The following PRKCG variants were observed in gnomAD, a reference collection of about 807,000 sequenced individuals.
PRKCG encodes protein kinase C gamma type.
A neutral mutation model predicts 82.0 loss-of-function variants in PRKCG; 28 were observed. That is an observed-to-expected ratio of 0.34 (90% CI 0.25 to 0.47). PRKCG has a LOEUF of 0.47. Among genes scored for constraint, PRKCG ranks in the 20% least tolerant of loss-of-function variants. The pLI is 1.00. For missense variants in PRKCG, 640 were observed against 952.7 expected, an observed-to-expected ratio of 0.67 and a Z score of 4.32; for synonymous variants, 383 against 376.6, an observed-to-expected ratio of 1.02 and a Z score of -0.20.
intron 3 of PRKCG, among the ~76,000 whole-genome samples, chr19:53,886,269 G>A (rs1015751970): frequency 6.6e-6 from 1 of 151,088 alleles, no homozygotes; most frequent in African/African-American, 2.4e-5. Context: ...CACCATGGCC[G>A]GCTAATTTTT....
Position 53,907,075 on chromosome 19 carries a change from A to G in PRKCG, c.*180A>G. The G allele has an allele frequency of 1.5e-6, 2 of 1,329,532 alleles. No individual in the cohort carries two copies. Among genetic ancestry groups the G allele is most frequent in the Non-Finnish European group, 2.0e-6 (2 of 980,596 alleles). 82.4% of individuals were successfully genotyped at this position (1,329,532 alleles called of 1,614,324 possible). ...GCGTTCCTGGCCTTCTGAACTCCATACAGCCTCTACAGCCGTCCCGCGTTC... is the reference window on the plus strand; with the variant it reads ...GCGTTCCTGGCCTTCTGAACTCCATGCAGCCTCTACAGCCGTCCCGCGTTC... On this transcript the variant is annotated 3_prime_UTR_variant, in exon 18 of 18. Transcript: ENST00000263431.
chr19:53,900,468 G>T lies in PRKCG; in HGVS notation c.1423G>T (p.Gly475Cys). 1 of 1,614,106 alleles carries T rather than the reference G, an allele frequency of 6.2e-7. No individual in the cohort carries two copies. The highest frequency in any genetic ancestry group is 8.5e-7 in the Non-Finnish European group (1 of 1,180,020). ...CGGCCTCTTCTTCCTTCACAATCAG[G>T]GCATCATCTACAGGTGAGCAGCCCC... ...AIGLFFLHNQ[G>C]IIYRDLKLDN... Residue 475 changes from glycine to cysteine, a missense_variant, in exon 13 of 18, where the codon GGC (glycine) becomes TGC (cysteine). This residue lies in a region of PRKCG where 78 missense variants were observed against 105.6 expected (regional missense o/e 0.74). Transcript: ENST00000263431. The surrounding 1 kb of genome is among the most constrained non-coding windows in gnomAD (Gnocchi z 4.2).
At chr19:53,881,340 T>G (rs1383664754), upstream of PRKCG, among the ~76,000 whole-genome samples, 1 of 149,960 alleles carries the variant, frequency 6.7e-6, no homozygotes, top group Non-Finnish European at 1.5e-5. Flanking sequence ...AGAGAGTGAC[T>G]CCCAGAGAGG....
rs1417462006 is a variant in PRKCG at position 53,892,793 on chromosome 19, C to CACAA, written c.821+153_821+154insAACA. On this transcript the variant is annotated intron_variant, in intron 7 of 17. Coordinates refer to ENST00000263431, the MANE Select transcript of PRKCG (RefSeq NM_002739.5). This position sits in a 1 kb window ranked among gnomAD's most constrained non-coding sequence, Gnocchi z 5.9. ...ACACACACACACACGCACACACACGCACACACCCCTCTCTCTCTATTCTTC... is the reference window on the plus strand; with the variant it reads ...ACACACACACACACGCACACACACGCACAAACACACCCCTCTCTCTCTATTCTTC... 2.2e-4 allele frequency: 241 copies of CACAA among 1,090,276 alleles called. 2 individuals are homozygous for CACAA. In the African/African-American group the frequency reaches 5.8e-3, roughly 26 times the overall value. 67.5% of individuals were successfully genotyped at this position (1,090,276 alleles called of 1,614,324 possible). A position where few individuals can be genotyped will look rare whatever the true frequency, so the allele number is the denominator to read the frequency against.
chr19:53,905,842 C>T (rs1460223668), intron 16 of PRKCG, among the ~76,000 whole-genome samples: 1 of 141,550 alleles, frequency 7.1e-6, no homozygotes, highest in East Asian at 2.2e-4. Context: ...TGTTCTGTTT[C>T]TCTGTGTGTC....
Position 53,900,209 on chromosome 19 carries a change from C to G in PRKCG, c.1282-24C>G. ...TACTCTGGGTAGATGGATCCCGCCTCTAAGCCCATGCACTTCTCCGCAGGA... is the reference window on the plus strand; with the variant it reads ...TACTCTGGGTAGATGGATCCCGCCTGTAAGCCCATGCACTTCTCCGCAGGA... On this transcript the variant is annotated intron_variant, in intron 11 of 17. Transcript: ENST00000263431. The surrounding 1 kb of genome is among the most constrained non-coding windows in gnomAD (Gnocchi z 4.2). The G allele has an allele frequency of 6.2e-7, 1 of 1,606,076 alleles. No individual in the cohort carries two copies. Among genetic ancestry groups the G allele is most frequent in the Non-Finnish European group, 8.5e-7 (1 of 1,172,700 alleles).
chr19:53,889,619 C>T lies in PRKCG; in HGVS notation c.286-19C>T, dbSNP rs1348150234. The stretch of plus-strand genomic sequence containing the variant: ...AGGACCCTCCCAACGCCCCCTAAGC[C>T]AGTCTTCTCTGCCCCCAGGACCCCC... On this transcript the variant is annotated intron_variant, in intron 3 of 17. Coordinates refer to ENST00000263431, the MANE Select transcript of PRKCG (RefSeq NM_002739.5). The surrounding 1 kb of genome is among the most constrained non-coding windows in gnomAD (Gnocchi z 4.4). The T allele has an allele frequency of 1.2e-6, 2 of 1,606,254 alleles. No individual in the cohort carries two copies. The highest frequency in any genetic ancestry group is 1.7e-6 in the Non-Finnish European group (2 of 1,172,972).
chr19:53,889,950 CA>C lies in PRKCG; in HGVS notation c.463del (p.Thr155ProfsTer21). 1 of 1,578,178 alleles carries C rather than the reference CA, an allele frequency of 6.3e-7. No individual in the cohort carries two copies. Among genetic ancestry groups the C allele is most frequent in the Non-Finnish European group, 8.6e-7 (1 of 1,163,394 alleles). On this transcript the variant is annotated frameshift_variant, in exon 5 of 18. Transcript: ENST00000263431. LOFTEE classifies it high-confidence loss of function. This position sits in a 1 kb window ranked among gnomAD's most constrained non-coding sequence, Gnocchi z 4.4. Reference sequence around the variant, plus strand: ...TGCCCTCCCTGTGCGGTGTGGACCACACCGAGCGCCGCGGGCGCCTGCAGCT... The same window carrying C: ...TGCCCTCCCTGTGCGGTGTGGACCACCCGAGCGCCGCGGGCGCCTGCAGCT... ...SVPSLCGVDH[T>X]ERRGRLQLEI...
At chr19:53,895,487 CAAAAA>C (rs760577483) in intron 9 of PRKCG, among the ~76,000 whole-genome samples, 1 of 62,886 alleles carries the variant, frequency 1.6e-5, no homozygotes. Context: ...GACTCTGTCT[CAAAAA>C]AAAAAAAAAA....
In PRKCG at chr19:53,898,573, G is replaced by T. The variant is rs1259210743; in HGVS notation, c.1226G>T (p.Gly409Val). 6.2e-7 allele frequency: 1 copy of T among 1,610,512 alleles called. No individual in the cohort carries two copies. The highest frequency in any genetic ancestry group is 8.5e-7 in the Non-Finnish European group (1 of 1,179,060). ...CGTGTGCTGGCGCTGGGGGGCCGGG[G>T]TCCTGGCGGCCGGCCCCACTTCCTC... ...EKRVLALGGR[G>V]PGGRPHFLTQ... is the part of the protein sequence containing the mutation. The change falls in exon 11 of 18, where the codon GGT becomes GTT. Residue 409 changes from glycine to valine, a missense_variant. Gly to Val is a moderately radical substitution (Grantham distance 109). Transcript: ENST00000263431.
At chr19:53,894,828 T>C (rs938181424) in intron 9 of PRKCG, among the ~76,000 whole-genome samples, 2 of 152,188 alleles carry the variant, frequency 1.3e-5, no homozygotes, top group Non-Finnish European at 2.9e-5. Context: ...CATTCCCTGG[T>C]GGAGCTCTTC....
rs2068656946 is a variant in PRKCG at position 53,889,663 on chromosome 19, G to T, written c.311G>T (p.Arg104Leu). The T allele has an allele frequency of 2.5e-6, 4 of 1,613,956 alleles. No homozygotes were observed. Among genetic ancestry groups the T allele is most frequent in the Admixed American group, 1.7e-5 (1 of 59,994 alleles). Residue 104 changes from arginine (R) to leucine (L), a missense_variant, in exon 4 of 18, where the codon CGC (arginine) becomes CTC (leucine). Transcript: ENST00000263431. This position sits in a 1 kb window ranked among gnomAD's most constrained non-coding sequence, Gnocchi z 4.4. ...TDDPRNKHKF[R>L]LHSYSSPTFC... is the part of the protein sequence containing the mutation. Reference sequence around the variant, plus strand: ...GACCCCCGGAACAAACACAAGTTCCGCCTGCATAGCTACAGCAGCCCCACC... The same window carrying T: ...GACCCCCGGAACAAACACAAGTTCCTCCTGCATAGCTACAGCAGCCCCACC...
chr19:53,887,658 G>A (rs561538005), intron 3 of PRKCG, among the ~76,000 whole-genome samples: 4 of 148,228 alleles, frequency 2.7e-5, no homozygotes, highest in South Asian at 2.1e-4. Flanking sequence ...GTGAAACCCC[G>A]TCTCTACTAA....
intron 3 of PRKCG, among the ~76,000 whole-genome samples, chr19:53,888,947 G>A (rs1019289393): frequency 1.3e-5 from 2 of 151,928 alleles, no homozygotes; most frequent in African/African-American, 2.4e-5. Flanking sequence ...CCTGCACACA[G>A]TTTTGTTGTT....
At position 53,907,096 on chromosome 19, in the gene PRKCG, CG is replaced by C; in HGVS notation, c.*202del. On this transcript the variant is annotated 3_prime_UTR_variant, in exon 18 of 18. Coordinates refer to ENST00000263431, the MANE Select transcript of PRKCG (RefSeq NM_002739.5). ...CCATACAGCCTCTACAGCCGTCCCG[CG>C]TTCAAGACTTGAGCGGAGCCCGATA... The C allele has an allele frequency of 8.0e-7, 1 of 1,244,920 alleles. No homozygotes were observed. The highest frequency in any genetic ancestry group is 1.1e-6 in the Non-Finnish European group (1 of 910,616). The allele number at this position is 1,244,920 out of a possible 1,614,324, so 77.1% of individuals were successfully genotyped here. A position where few individuals can be genotyped will look rare whatever the true frequency, so the allele number is the denominator to read the frequency against.
At chr19:53,895,303 C>T (rs749941897) in intron 9 of PRKCG, among the ~76,000 whole-genome samples, 13 of 151,892 alleles carry the variant, frequency 8.6e-5, no homozygotes, top group Admixed American at 5.9e-4. Flanking sequence ...GCCTGGCCAG[C>T]GTGGCAAAAC....
At position 53,891,278 on chromosome 19, in the gene PRKCG, CT is replaced by C. The variant is rs537462382; in HGVS notation, c.530-380del. ...GAAACGAGACTGAGAGCTTGGAATT[CT>C]TTTTTTTTTTTTTTTGAGACGGAGT... On this transcript the variant is annotated intron_variant, in intron 5 of 17. Coordinates refer to ENST00000263431, the MANE Select transcript of PRKCG (RefSeq NM_002739.5). Among the ~76,000 whole-genome samples the C allele has an allele frequency of 5.5e-3, 737 of 133,732 alleles. 2 individuals carry two copies. Among genetic ancestry groups the C allele is most frequent in the Middle Eastern group, 0.016 (4 of 256 alleles). The allele number at this position is 133,732 out of a possible 152,430, so 87.7% of individuals were successfully genotyped here.
Position 53,906,685 on chromosome 19 carries a change from C to T in PRKCG, c.1906-22C>T, listed in dbSNP as rs201680280. The T allele has an allele frequency of 1.7e-4, 268 of 1,611,602 alleles. No individual in the cohort carries two copies. In the East Asian group the frequency reaches 5.8e-3, roughly 35 times the overall value. On this transcript the variant is annotated intron_variant, in intron 17 of 17. Transcript: ENST00000263431. ...GGAGCCCTCGGAGCTGCTTAACTTT[C>T]CCTCCCCCACGTCTCCCACAGTGTG... is the stretch of plus-strand genomic sequence containing the variant.
Position 53,902,957 on chromosome 19 carries a change from G to A in PRKCG, c.1576-116G>A, listed in dbSNP as rs116558523. Reference sequence around the variant, plus strand: ...CCTGATGAAATAAATATTCAGAGTGGGAAGAGCTTGTGCTGAAAGCACTTA... The same window carrying A: ...CCTGATGAAATAAATATTCAGAGTGAGAAGAGCTTGTGCTGAAAGCACTTA... On this transcript the variant is annotated intron_variant, in intron 14 of 17. Transcript: ENST00000263431. 3 of 750,672 alleles carry A rather than the reference G, an allele frequency of 4.0e-6. No homozygotes were observed. The African/African-American group carries it at 5.4e-5, about 13-fold the overall frequency. The allele number at this position is 750,672 out of a possible 1,614,324, so 46.5% of individuals were successfully genotyped here.
Sources: gnomAD v4.1 joint callset for allele counts (sites outside exome capture counted in the v4.1 genomes callset) on GRCh38, gnomAD v4.1.1 for gene constraint, gnomAD v4.1.1 regional missense constraint, Gnocchi (gnomAD v3.1) non-coding constraint, MANE v1.5 for transcripts, NCBI Gene and HGNC (gene_info 2026-07-23, HGNC 2026-07-21) for gene names.